Variants in GSG1 observed in about 807,000 individuals in gnomAD.
The protein encoded by GSG1 is germ cell-specific gene 1 protein.
Under a neutral mutation model 30.8 loss-of-function variants are expected in GSG1, and 28 were observed. That is an observed-to-expected ratio of 0.91 (90% CI 0.67 to 1.25). The LOEUF is 1.25. Among genes scored for constraint, GSG1 ranks in the 50% most tolerant of loss-of-function variants. The pLI is 0.00. For missense variants in GSG1, 435 were observed against 444.7 expected, an observed-to-expected ratio of 0.98 and a Z score of 0.20; for synonymous variants, 162 against 178.0, an observed-to-expected ratio of 0.91 and a Z score of 0.71.
At chr12:13,095,476 C>T (rs970248199) in intron 1 of GSG1, 2 of 973,480 alleles carry the variant, frequency 2.1e-6, no homozygotes, top group South Asian at 1.3e-5. Context: ...AACAGAGTAA[C>T]CCAGAATTAG....
At position 13,095,476 on chromosome 12, in the gene GSG1, C is replaced by A. The variant is rs970248199; in HGVS notation, c.49-4658G>T. 1.3e-4 allele frequency: 122 copies of A among 973,478 alleles called. 1 individual carries two copies. The highest frequency in any genetic ancestry group is 4.6e-4 in the South Asian group (36 of 77,860). 60.3% of individuals were successfully genotyped at this position (973,478 alleles called of 1,614,324 possible). Reference sequence around the variant, plus strand: ...ACATCAGCATATATTAACAGAGTAACCCAGAATTAGCATAGGCTAGGAAGG... The same window carrying A: ...ACATCAGCATATATTAACAGAGTAAACCAGAATTAGCATAGGCTAGGAAGG... On this transcript the variant is annotated intron_variant, in intron 1 of 6. Coordinates refer to ENST00000651961, the MANE Select transcript of GSG1 (RefSeq NM_001080555.4).
At chr12:13,095,455 C>T (rs1866582136) in intron 1 of GSG1, 1 of 841,778 alleles carries the variant, frequency 1.2e-6, no homozygotes, top group East Asian at 2.5e-5. Flanking sequence ...ACCCTTACAT[C>T]AGCATATATT....
At chr12:13,091,048 A>G (rs936571311) in intron 1 of GSG1, among the ~76,000 whole-genome samples, 8 of 152,176 alleles carry the variant, frequency 5.3e-5, no homozygotes, top group African/African-American at 1.9e-4. Context: ...CATACGCCCA[A>G]ATGGGGGCCT....
chr12:13,085,501 C>T (rs375070137), intron 6 of GSG1, among the ~76,000 whole-genome samples: 36 of 151,800 alleles, frequency 2.4e-4, no homozygotes, highest in African/African-American at 8.7e-4. Flanking sequence ...GGTGCCATGC[C>T]CTTTTCTATC....
At chr12:13,098,815 C>T (rs1374582269) in intron 1 of GSG1, among the ~76,000 whole-genome samples, 1 of 152,064 alleles carries the variant, frequency 6.6e-6, no homozygotes, top group African/African-American at 2.4e-5. Flanking sequence ...CTGAAGTTCG[C>T]CTTCTCCAGG....
intron 4 of GSG1, 124 bp downstream of exon 4, chr12:13,088,738 T>G: frequency 6.2e-7 from 1 of 1,612,260 alleles, no homozygotes; most frequent in Admixed American, 1.7e-5. Flanking sequence ...AGACACATAC[T>G]TGCCACAAAG....
At chr12:13,095,830 G>C in intron 1 of GSG1, 2 of 1,444,070 alleles carry the variant, frequency 1.4e-6, no homozygotes, top group Non-Finnish European at 1.8e-6. Context: ...GGGCCCAGCT[G>C]TTCTGGGAGA....
In GSG1 at chr12:13,089,234, C is replaced by T. The variant is rs1010674960; in HGVS notation, c.407G>A (p.Arg136Gln). ...TTTTGCTGCCGCTGTACCACTGGAC[C>T]GAAGGGCTCTAAATTGTTTCCAGGA... ...PQSWKQFRAL[R>Q]SSGTAAAKGE... Residue 136 changes from arginine to glutamine, a missense_variant, in exon 3 of 7, where the codon CGG becomes CAG. Transcript: ENST00000651961. 12 of 1,558,798 alleles carry T rather than the reference C, an allele frequency of 7.7e-6. No homozygotes were observed. The highest frequency in any genetic ancestry group is 3.6e-5 in the South Asian group (3 of 84,376).
Position 13,087,172 on chromosome 12 carries a change from C to G in GSG1, c.726G>C (p.Trp242Cys), listed in dbSNP as rs138546362. 21 of 1,613,362 alleles carry G rather than the reference C, an allele frequency of 1.3e-5. No individual in the cohort carries two copies. The highest frequency in any genetic ancestry group is 1.8e-5 in the Non-Finnish European group (21 of 1,179,468). Residue 242 changes from tryptophan to cysteine, a missense_variant, in exon 6 of 7, where the codon TGG becomes TGC. Physicochemically the swap from Trp to Cys is radical, Grantham distance 215 (BLOSUM62 -2). Coordinates refer to ENST00000651961, the MANE Select transcript of GSG1 (RefSeq NM_001080555.4). ...LGPEDWRPHV[W>C]NYGWAFYMAW... Reference sequence around the variant, plus strand: ...CTTACTAGAAGGCCCAGCCATAATTCCAAACATGTGGTCTCCAGTCTTCTG... The same window carrying G: ...CTTACTAGAAGGCCCAGCCATAATTGCAAACATGTGGTCTCCAGTCTTCTG...
chr12:13,086,571 TG>T (rs1490935585), intron 6 of GSG1, among the ~76,000 whole-genome samples: 1 of 152,212 alleles, frequency 6.6e-6, no homozygotes, highest in Non-Finnish European at 1.5e-5. Flanking sequence ...TTGTGATGGT[TG>T]CTGTCGCTCT....
chr12:13,089,016 T>C (rs1378388644), intron 3 of GSG1, 107 bp from the exon 4 acceptor site: 1 of 1,405,778 alleles, frequency 7.1e-7, no homozygotes, highest in Non-Finnish European at 9.8e-7. Context: ...TGACAGCACC[T>C]GCCCCGCATA....
At chr12:13,098,148 T>A (rs1862870457) in intron 1 of GSG1, among the ~76,000 whole-genome samples, 1 of 152,126 alleles carries the variant, frequency 6.6e-6, no homozygotes, top group East Asian at 1.9e-4. Context: ...TTTGTTTTTT[T>A]TTTTTTTACG....
intron 1 of GSG1, among the ~76,000 whole-genome samples, chr12:13,094,436 A>G (rs1866465971): frequency 6.6e-6 from 1 of 152,154 alleles, no homozygotes. Flanking sequence ...TTCTTGCAAG[A>G]CTCTGGGTGA....
rs1416768608 is a variant in GSG1, at chr12:13,093,066, G to A, written c.49-2248C>T. On this transcript the variant is annotated intron_variant, in intron 1 of 6. Transcript: ENST00000651961. The surrounding 1 kb of genome is among the most constrained non-coding windows in gnomAD (Gnocchi z 4.6). ...CCGCCTCGGCCTCCCAAAGTGCTGGGATTACAGGCGTTAAGCCACCACGCC... is the reference window on the plus strand; with the variant it reads ...CCGCCTCGGCCTCCCAAAGTGCTGGAATTACAGGCGTTAAGCCACCACGCC... Among the ~76,000 whole-genome samples, 1 of 151,818 alleles carries A rather than the reference G, an allele frequency of 6.6e-6. No individual in the cohort carries two copies. Among genetic ancestry groups the A allele is most frequent in the Admixed American group, 6.6e-5 (1 of 15,246 alleles).
At chr12:13,099,157 C>G (rs1476968287) in intron 1 of GSG1, among the ~76,000 whole-genome samples, 1 of 152,170 alleles carries the variant, frequency 6.6e-6, no homozygotes, top group Non-Finnish European at 1.5e-5. Context: ...CTAATTTCCT[C>G]TTTTTGACAA....
intron 2 of GSG1, among the ~76,000 whole-genome samples, chr12:13,089,579 G>A (rs1220381252): frequency 6.6e-6 from 1 of 152,186 alleles, no homozygotes; most frequent in East Asian, 1.9e-4. Context: ...TCTGCCTTCA[G>A]CTCCTTGAGG....
chr12:13,089,042 A>C (rs1349967167), intron 3 of GSG1, 133 bp from the exon 4 acceptor site: 1 of 1,309,792 alleles, frequency 7.6e-7, no homozygotes, highest in Non-Finnish European at 1.1e-6. Flanking sequence ...GGAAAGCAGG[A>C]AAGAATGCCT....
rs565809715 is a variant in GSG1, at chr12:13,099,005, C to T, written c.48+4460G>A. On this transcript the variant is annotated intron_variant, in intron 1 of 6. Coordinates refer to ENST00000651961, the MANE Select transcript of GSG1 (RefSeq NM_001080555.4). ...TACTCTTTTTCTTAAAGAGGGCCTCCGAAATTATATTATTTTAGGCCTCCA... is the reference window on the plus strand; with the variant it reads ...TACTCTTTTTCTTAAAGAGGGCCTCTGAAATTATATTATTTTAGGCCTCCA... 1.1e-4 allele frequency among the ~76,000 whole-genome samples: 17 copies of T among 152,244 alleles called. 1 individual carries two copies. Among genetic ancestry groups the T allele is most frequent in the Admixed American group, 7.2e-4 (11 of 15,296 alleles).
chr12:13,103,629 G>A lies in GSG1; in HGVS notation c.-117C>T. ...AATCAGGTCCCCTCTTGCCAGCAGAGGGGTAAGGTGGTGTGTGGTGGATTG... is the reference window on the plus strand; with the variant it reads ...AATCAGGTCCCCTCTTGCCAGCAGAAGGGTAAGGTGGTGTGTGGTGGATTG... On this transcript the variant is annotated 5_prime_UTR_variant, in exon 1 of 7. Transcript: ENST00000651961. 2.7e-6 allele frequency: 3 copies of A among 1,094,920 alleles called. No individual in the cohort carries two copies. The highest frequency in any genetic ancestry group is 4.1e-6 in the Non-Finnish European group (3 of 723,278). The allele number at this position is 1,094,920 out of a possible 1,614,324, so 67.8% of individuals were successfully genotyped here.
Sources: allele counts gnomAD v4.1 joint callset (sites outside exome capture counted in the v4.1 genomes callset), GRCh38; gene constraint gnomAD v4.1.1; non-coding constraint Gnocchi (gnomAD v3.1); transcripts MANE v1.5; gene names NCBI Gene and HGNC (gene_info 2026-07-23, HGNC 2026-07-21).